Variants in SLC24A2 observed in about 807,000 individuals in gnomAD.
SLC24A2 encodes sodium/potassium/calcium exchanger 2.
Under a neutral mutation model 62.0 loss-of-function variants are expected in SLC24A2, and 36 were observed. That is an observed-to-expected ratio of 0.58 (90% confidence interval 0.44 to 0.77). SLC24A2 has a LOEUF of 0.77. Among genes scored for constraint, SLC24A2 ranks in the 30% least tolerant of loss-of-function variants. The pLI is 0.00. For missense variants in SLC24A2, 846 were observed against 817.9 expected (o/e 1.03, Z -0.42); for synonymous variants, 358 against 294.0 (o/e 1.22, Z -2.23).
chr9:19,720,697 C>CG (rs1458034263), intron 2 of SLC24A2, among the ~76,000 whole-genome samples: 1 of 84,310 alleles, frequency 1.2e-5, no homozygotes, highest in African/African-American at 3.6e-5. Flanking sequence ...CAACCCCCCC[C>CG]CCCAAAAAAA....
the SLC24A2 span, among the ~76,000 whole-genome samples, chr9:20,098,523 A>T: frequency 6.6e-6 from 1 of 152,200 alleles, no homozygotes; most frequent in African/African-American, 2.4e-5. Flanking sequence ...TGTCCTTTTG[A>T]CCAAAGAGGA....
chr9:19,663,768 A>G (rs1168556021), intron 2 of SLC24A2, among the ~76,000 whole-genome samples: 1 of 152,222 alleles, frequency 6.6e-6, no homozygotes, highest in Non-Finnish European at 1.5e-5. Flanking sequence ...CTAAGCATGC[A>G]TATGCCTGGC....
intron 2 of SLC24A2, among the ~76,000 whole-genome samples, chr9:19,740,140 T>C (rs1028427307): frequency 2.6e-5 from 3 of 117,182 alleles, no homozygotes; most frequent in African/African-American, 6.9e-5. Flanking sequence ...GAAGGTAAAA[T>C]AGTACAACCA....
At chr9:20,197,657 C>T in the SLC24A2 span, among the ~76,000 whole-genome samples, 117 of 152,162 alleles carry the variant, frequency 7.7e-4, no homozygotes, top group African/African-American at 2.8e-3. Context: ...GTCTTGAACT[C>T]CTGGCCTCAA....
the SLC24A2 span, among the ~76,000 whole-genome samples, chr9:20,131,403 G>C: frequency 2.6e-5 from 4 of 152,096 alleles, no homozygotes; most frequent in Non-Finnish European, 5.9e-5. Flanking sequence ...TTTGAATGCA[G>C]GGATAAGCAC....
chr9:20,144,712 G>A, the SLC24A2 span, among the ~76,000 whole-genome samples: 1 of 151,998 alleles, frequency 6.6e-6, no homozygotes, highest in Non-Finnish European at 1.5e-5. Flanking sequence ...TGTCAATCGG[G>A]GTCATTCAAT....
the SLC24A2 span, among the ~76,000 whole-genome samples, chr9:19,956,476 G>A: frequency 3.9e-5 from 6 of 152,222 alleles, no homozygotes; most frequent in South Asian, 4.1e-4. Flanking sequence ...CTGTTTTCAC[G>A]CTGATAAAGA....
chr9:19,684,472 A>T (rs1030826353), intron 2 of SLC24A2, among the ~76,000 whole-genome samples: 2 of 152,092 alleles, frequency 1.3e-5, no homozygotes, highest in African/African-American at 4.8e-5. Context: ...CATTCAGGAC[A>T]TGTGGCTGGG....
chr9:19,534,110 A>G (rs1010363346), intron 8 of SLC24A2, among the ~76,000 whole-genome samples: 3 of 152,182 alleles, frequency 2.0e-5, no homozygotes, highest in African/African-American at 7.2e-5. Flanking sequence ...AGGGGAAAAA[A>G]TTCGGTCCAG....
At chr9:19,883,596 T>C in the SLC24A2 span, among the ~76,000 whole-genome samples, 29 of 151,754 alleles carry the variant, frequency 1.9e-4, no homozygotes, top group Middle Eastern at 3.4e-3. Context: ...GATGGAGTCT[T>C]GCTCTGTCGC....
chr9:19,713,332 A>G (rs938422188), intron 2 of SLC24A2, among the ~76,000 whole-genome samples: 1 of 152,194 alleles, frequency 6.6e-6, no homozygotes, highest in Admixed American at 6.5e-5. Context: ...CTGTAAGTCA[A>G]TTTAGCTATT....
At chr9:19,729,319 C>T (rs907688533) in intron 2 of SLC24A2, among the ~76,000 whole-genome samples, 1 of 152,104 alleles carries the variant, frequency 6.6e-6, no homozygotes, top group Non-Finnish European at 1.5e-5. Context: ...GAGGTTCCTC[C>T]AAAAACTACA....
At chr9:20,222,692 C>G in the SLC24A2 span, among the ~76,000 whole-genome samples, 56 of 152,138 alleles carry the variant, frequency 3.7e-4, 1 homozygote, top group African/African-American at 1.3e-3. Context: ...AAATCTATGC[C>G]ATACCCCTTA....
chr9:19,559,270 T>G (rs1835274554), intron 7 of SLC24A2, among the ~76,000 whole-genome samples: 1 of 152,180 alleles, frequency 6.6e-6, no homozygotes, highest in Non-Finnish European at 1.5e-5. Flanking sequence ...AGGTGGAAAA[T>G]GCAAAAATTT....
chr9:20,090,268 G>A, the SLC24A2 span, among the ~76,000 whole-genome samples: 1 of 152,136 alleles, frequency 6.6e-6, no homozygotes, highest in Non-Finnish European at 1.5e-5. Context: ...GCCCCCAGGA[G>A]ACAAGAAAAA....
the SLC24A2 span, among the ~76,000 whole-genome samples, chr9:20,076,093 CT>C: frequency 9.2e-5 from 14 of 151,460 alleles, no homozygotes; most frequent in African/African-American, 2.7e-4. Flanking sequence ...TGCAATCATT[CT>C]TTTTTTTTCT....
chr9:19,953,948 T>C, the SLC24A2 span, among the ~76,000 whole-genome samples: 2 of 151,950 alleles, frequency 1.3e-5, no homozygotes, highest in Admixed American at 1.3e-4. Context: ...CCTATTGATA[T>C]TGAATATCTC....
intron 7 of SLC24A2, among the ~76,000 whole-genome samples, chr9:19,561,210 G>A (rs528966727): frequency 9.2e-5 from 14 of 151,988 alleles, no homozygotes; most frequent in Admixed American, 1.3e-4. Context: ...GATTACAGGC[G>A]TGAGCCACCA....
intron 2 of SLC24A2, among the ~76,000 whole-genome samples, chr9:19,755,525 G>A (rs1406609346): frequency 1.3e-5 from 2 of 152,210 alleles, no homozygotes; most frequent in East Asian, 3.9e-4. Flanking sequence ...TGAAACAGGT[G>A]GCCGGGTGTG....
Sources: allele counts gnomAD v4.1 joint callset (sites outside exome capture counted in the v4.1 genomes callset), GRCh38; gene constraint gnomAD v4.1.1; transcripts MANE v1.5; gene names NCBI Gene and HGNC (gene_info 2026-07-23, HGNC 2026-07-21).